Variants in CCDC63 observed in about 807,000 individuals in gnomAD.
CCDC63 encodes coiled-coil domain containing 63.
Under a neutral mutation model 63.6 loss-of-function variants are expected in CCDC63, and 54 were observed. That is an observed-to-expected ratio of 0.85 (90% CI 0.68 to 1.07). CCDC63 has a LOEUF of 1.07. Among genes scored for constraint, CCDC63 ranks in the 50% least tolerant of loss-of-function variants. The probability of loss-of-function intolerance (pLI) is 0.00; values close to 1 mark genes in which losing one functional copy is unlikely to be tolerated. For synonymous variants in CCDC63, 253 were observed against 266.1 expected, an observed-to-expected ratio of 0.95 and a Z score of 0.48; for missense variants, 637 against 689.6, an observed-to-expected ratio of 0.92 and a Z score of 0.86.
At chr12:110,893,420 C>T (rs950199082) in intron 9 of CCDC63, among the ~76,000 whole-genome samples, 1 of 152,212 alleles carries the variant, frequency 6.6e-6, no homozygotes, top group African/African-American at 2.4e-5. Context: ...GAGTCCAGCC[C>T]GGGCTCTTGG....
intron 4 of CCDC63, 55 bp downstream of exon 4, chr12:110,858,830 G>T (rs1419004968): frequency 6.6e-7 from 1 of 1,517,488 alleles, no homozygotes; most frequent in South Asian, 1.2e-5. Flanking sequence ...GGGAGGAGTT[G>T]GGGTGCATAT....
intron 4 of CCDC63, 87 bp downstream of exon 4, chr12:110,858,862 C>A: frequency 9.3e-7 from 1 of 1,079,060 alleles, no homozygotes. Context: ...TAGGCCAGAC[C>A]TGACACCCCT....
chr12:110,893,292 C>G, intron 9 of CCDC63, 142 bp downstream of exon 9: 1 of 669,356 alleles, frequency 1.5e-6, no homozygotes, highest in Non-Finnish European at 2.6e-6. Context: ...ATGACTCAGG[C>G]TGGCCTGGAT....
rs994439298 is a variant in CCDC63, at chr12:110,855,910, A to G, written c.179+2336A>G. On this transcript the variant is annotated intron_variant, in intron 3 of 11. Transcript: ENST00000308208. ...TTAGGTTCTTTAGAGTGAAACACCT[A>G]TACAGTATTTAAGGAAGCACTTTTC... Among the ~76,000 whole-genome samples the G allele has an allele frequency of 2.0e-5, 3 of 151,924 alleles. No individual in the cohort carries two copies. In the South Asian group the frequency reaches 6.3e-4, roughly 32 times the overall value.
chr12:110,876,841 C>T (rs984134289), intron 5 of CCDC63, among the ~76,000 whole-genome samples: 3 of 146,916 alleles, frequency 2.0e-5, no homozygotes, highest in Non-Finnish European at 4.5e-5. Flanking sequence ...TGAGACCAGC[C>T]TGGGCAACAT....
intron 5 of CCDC63, among the ~76,000 whole-genome samples, chr12:110,874,168 G>A (rs995700623): frequency 2.0e-5 from 3 of 151,564 alleles, no homozygotes; most frequent in African/African-American, 7.3e-5. Context: ...ACCCTTACCC[G>A]AATCCCCCAA....
intron 5 of CCDC63, among the ~76,000 whole-genome samples, chr12:110,877,954 G>A (rs1247352367): frequency 1.3e-5 from 2 of 151,272 alleles, no homozygotes; most frequent in South Asian, 2.1e-4. Context: ...TGATCCACCC[G>A]CCTCAGCCTC....
At position 110,880,031 on chromosome 12, in the gene CCDC63, G is replaced by A; in HGVS notation, c.615G>A (p.Met205Ile). The change falls in exon 6 of 12, where the codon ATG (methionine) becomes ATA (isoleucine). Residue 205 changes from methionine to isoleucine, a missense_variant. Transcript: ENST00000308208. ...VYQQLQHCLL[M>I]EKKTMNLAIE... ...AGCAGCTCCAGCACTGCCTGTTGATGGAGAAGAAAACCATGAACTTGGCCA... is the reference window on the plus strand; with the variant it reads ...AGCAGCTCCAGCACTGCCTGTTGATAGAGAAGAAAACCATGAACTTGGCCA... 6.2e-7 allele frequency: 1 copy of A among 1,614,168 alleles called. No homozygotes were observed. The highest frequency in any genetic ancestry group is 8.5e-7 in the Non-Finnish European group (1 of 1,180,012).
chr12:110,859,714 C>T (rs1484413789), intron 4 of CCDC63, among the ~76,000 whole-genome samples: 5 of 151,986 alleles, frequency 3.3e-5, no homozygotes, highest in Admixed American at 1.3e-4. Context: ...TAGTCATGTA[C>T]GTGATCCTAC....
At chr12:110,876,870 C>T (rs1449900033) in intron 5 of CCDC63, among the ~76,000 whole-genome samples, 1 of 117,082 alleles carries the variant, frequency 8.5e-6, no homozygotes, top group African/African-American at 3.6e-5. Context: ...TCTGTCTCTA[C>T]TAAAAATACA....
intron 1 of CCDC63, among the ~76,000 whole-genome samples, chr12:110,849,420 C>T (rs1470842951): frequency 1.3e-5 from 2 of 151,970 alleles, no homozygotes; most frequent in Admixed American, 6.6e-5. Context: ...GGGAGGGTTG[C>T]CACTGAACCA....
chr12:110,867,284 C>T (rs1593655598), intron 4 of CCDC63, among the ~76,000 whole-genome samples: 1 of 105,092 alleles, frequency 9.5e-6, no homozygotes, highest in South Asian at 3.5e-4. Flanking sequence ...CTCCTCACTT[C>T]CCAGTAGGGG....
At chr12:110,852,774 C>A in intron 1 of CCDC63, 85 bp from the exon 2 acceptor site, 1 of 812,070 alleles carries the variant, frequency 1.2e-6, no homozygotes, top group Non-Finnish European at 2.1e-6. Context: ...GAAGGGATGG[C>A]AGGGGGAGGG....
At chr12:110,851,803 C>CT (rs1271420124) in intron 1 of CCDC63, among the ~76,000 whole-genome samples, 1 of 152,202 alleles carries the variant, frequency 6.6e-6, no homozygotes, top group Non-Finnish European at 1.5e-5. Flanking sequence ...AAGCACAGTG[C>CT]TGAGTGTCTT....
At chr12:110,886,456 G>A (rs1321864571) in intron 8 of CCDC63, among the ~76,000 whole-genome samples, 1 of 152,098 alleles carries the variant, frequency 6.6e-6, no homozygotes, top group Non-Finnish European at 1.5e-5. Context: ...AAATTGAGGA[G>A]AGTTTTTAAA....
chr12:110,860,978 G>A (rs2136656944), intron 4 of CCDC63, among the ~76,000 whole-genome samples: 1 of 152,266 alleles, frequency 6.6e-6, no homozygotes, highest in East Asian at 1.9e-4. Context: ...CTTCTGGGGA[G>A]GCCTCAGGAA....
chr12:110,870,190 C>A (rs970373233), intron 4 of CCDC63, among the ~76,000 whole-genome samples: 1 of 152,172 alleles, frequency 6.6e-6, no homozygotes, highest in African/African-American at 2.4e-5. Flanking sequence ...TCAAGCAATT[C>A]TCTTTCCTCA....
intron 6 of CCDC63, among the ~76,000 whole-genome samples, chr12:110,880,458 C>A (rs967133469): frequency 2.6e-5 from 4 of 152,114 alleles, no homozygotes; most frequent in Non-Finnish European, 2.9e-5. Flanking sequence ...GGGGATCTTT[C>A]TCAATCTGGG....
At chr12:110,900,440 G>T (rs2136744048) in intron 10 of CCDC63, among the ~76,000 whole-genome samples, 1 of 152,248 alleles carries the variant, frequency 6.6e-6, no homozygotes, top group Non-Finnish European at 1.5e-5. Context: ...GGAATAAAGT[G>T]CTCAGAGTAG....
Sources: gnomAD v4.1 joint callset for allele counts (sites outside exome capture counted in the v4.1 genomes callset) on GRCh38, gnomAD v4.1.1 for gene constraint, MANE v1.5 for transcripts, NCBI Gene and HGNC (gene_info 2026-07-23, HGNC 2026-07-21) for gene names.